SPAG17: variants seen among roughly 807,000 people sequenced by gnomAD.
SPAG17 encodes the protein sperm-associated antigen 17.
A neutral mutation model predicts 273.6 loss-of-function variants in SPAG17; 169 were observed. That is an observed-to-expected ratio of 0.62 (90% confidence interval 0.55 to 0.70). SPAG17 has a LOEUF of 0.70. SPAG17 is among the 30% of genes least tolerant of loss of function. SPAG17 has a pLI of 0.00. For missense variants in SPAG17, 2,557 were observed against 2,627.8 expected (o/e 0.97, Z 0.59); for synonymous variants, 825 against 873.2 (o/e 0.94, Z 0.97).
intron 1 of SPAG17, among the ~76,000 whole-genome samples, chr1:118,160,122 A>C (rs564936787): frequency 1.3e-5 from 2 of 152,272 alleles, no homozygotes; most frequent in African/African-American, 4.8e-5. Flanking sequence ...GAAATGTAAA[A>C]CTGGAATCAG....
At chr1:117,964,912 T>C (rs1259446831) in intron 47 of SPAG17, 1 of 152,166 alleles carries the variant, frequency 6.6e-6, no homozygotes, top group Admixed American at 6.6e-5. Flanking sequence ...TATTATTCTT[T>C]TGCCCTGTTT....
intron 43 of SPAG17, among the ~76,000 whole-genome samples, chr1:117,977,839 C>T (rs536372050): frequency 2.6e-5 from 4 of 152,110 alleles, no homozygotes; most frequent in African/African-American, 7.2e-5. Flanking sequence ...TGACCACTCT[C>T]GATCATTCCT....
intron 12 of SPAG17, among the ~76,000 whole-genome samples, 158 bp downstream of exon 12, chr1:118,086,513 G>A (rs1655007471): frequency 6.6e-6 from 1 of 152,034 alleles, no homozygotes. Flanking sequence ...CTGTATCTAG[G>A]TCCATTTTCC....
intron 4 of SPAG17, among the ~76,000 whole-genome samples, chr1:118,102,784 T>A (rs2102223740): frequency 6.6e-6 from 1 of 152,360 alleles, no homozygotes; most frequent in East Asian, 1.9e-4. Flanking sequence ...CACTGAAATG[T>A]TGTGGCAGTA....
At chr1:118,073,376 T>G (rs1398820122) in intron 17 of SPAG17, among the ~76,000 whole-genome samples, 1 of 152,212 alleles carries the variant, frequency 6.6e-6, no homozygotes, top group Admixed American at 6.5e-5. Flanking sequence ...TTAAATGAGC[T>G]AATAATACAT....
intron 1 of SPAG17, among the ~76,000 whole-genome samples, chr1:118,176,454 C>T (rs1660702614): frequency 6.6e-6 from 1 of 152,020 alleles, no homozygotes; most frequent in African/African-American, 2.4e-5. Context: ...CATGACTGCA[C>T]AAAGAGACAA....
intron 43 of SPAG17, among the ~76,000 whole-genome samples, chr1:117,976,177 C>G (rs1655115268): frequency 6.6e-6 from 1 of 152,144 alleles, no homozygotes; most frequent in African/African-American, 2.4e-5. Flanking sequence ...GATGATTATT[C>G]CACTGAGCCT....
At chr1:118,077,357 C>A (rs1018012300) in intron 15 of SPAG17, among the ~76,000 whole-genome samples, 2 of 152,020 alleles carry the variant, frequency 1.3e-5, no homozygotes, top group Non-Finnish European at 2.9e-5. Flanking sequence ...CTGAGATCCA[C>A]CCTCCAGATT....
At chr1:118,089,418 G>A (rs770103488) in intron 10 of SPAG17, among the ~76,000 whole-genome samples, 2 of 150,088 alleles carry the variant, frequency 1.3e-5, no homozygotes, top group Non-Finnish European at 3.0e-5. Flanking sequence ...GCCTTTATGG[G>A]ACAGTGTAAG....
intron 3 of SPAG17, among the ~76,000 whole-genome samples, chr1:118,117,507 G>T (rs377332562): frequency 7.9e-5 from 12 of 152,216 alleles, no homozygotes; most frequent in East Asian, 7.7e-4. Context: ...TGTGGGGTGT[G>T]GTTTCAAACA....
At chr1:118,131,996 GA>G (rs1236685735) in intron 3 of SPAG17, among the ~76,000 whole-genome samples, 2 of 152,214 alleles carry the variant, frequency 1.3e-5, no homozygotes, top group African/African-American at 4.8e-5. Context: ...AAAGACAAAA[GA>G]AGCAGGCCCT....
At chr1:117,991,769 A>C (rs1217484479) in intron 36 of SPAG17, among the ~76,000 whole-genome samples, 1 of 152,210 alleles carries the variant, frequency 6.6e-6, no homozygotes, top group South Asian at 2.1e-4. Context: ...TGGGGGCCTC[A>C]GAGAGGCCCT....
At chr1:118,102,592 G>C (rs970190774) in intron 4 of SPAG17, among the ~76,000 whole-genome samples, 4 of 152,184 alleles carry the variant, frequency 2.6e-5, no homozygotes, top group African/African-American at 9.6e-5. Flanking sequence ...CAGTTGGCAA[G>C]ATGAATTCCT....
At chr1:118,097,291 A>G (rs1481605646) in intron 7 of SPAG17, among the ~76,000 whole-genome samples, 1 of 152,170 alleles carries the variant, frequency 6.6e-6, no homozygotes, top group Admixed American at 6.5e-5. Context: ...ACTGAAACAT[A>G]AAAAGTCAGA....
chr1:117,990,789 C>T lies in SPAG17; in HGVS notation c.5521+72G>A, dbSNP rs1328717109. On this transcript the variant is annotated intron_variant, in intron 38 of 48. Transcript: ENST00000336338. ...TCTTGTTATCAGATAAGAGAATGAC[C>T]GATAAGTGTATTTAAGATGATTCCT... The T allele has an allele frequency of 2.9e-5, 28 of 957,296 alleles. 1 individual carries two copies. The highest frequency in any genetic ancestry group is 8.0e-5 in the East Asian group (3 of 37,296). The allele number at this position is 957,296 out of a possible 1,614,324, so 59.3% of individuals were successfully genotyped here.
chr1:118,061,203 A>G (rs535828784), intron 18 of SPAG17, among the ~76,000 whole-genome samples: 1 of 152,284 alleles, frequency 6.6e-6, no homozygotes, highest in South Asian at 2.1e-4. Context: ...TCTTTTGAGT[A>G]TATATGCAAA....
chr1:118,010,230 A>G (rs1314921624), intron 30 of SPAG17, among the ~76,000 whole-genome samples: 1 of 152,156 alleles, frequency 6.6e-6, no homozygotes, highest in Non-Finnish European at 1.5e-5. Context: ...GATTTTAAGT[A>G]TTCTCACAAT....
At chr1:118,025,450 A>T in intron 26 of SPAG17, 34 bp from the exon 27 acceptor site, 1 of 1,417,070 alleles carries the variant, frequency 7.1e-7, no homozygotes, top group Non-Finnish European at 9.5e-7. Context: ...TGTGAACTGG[A>T]CAATGCTGCA....
intron 28 of SPAG17, among the ~76,000 whole-genome samples, chr1:118,022,773 C>T (rs1315752397): frequency 2.0e-5 from 3 of 152,150 alleles, no homozygotes; most frequent in East Asian, 1.9e-4. Context: ...TCTTGGTCCC[C>T]AGCCAGGTCT....
Sources: gnomAD v4.1 joint callset for allele counts (sites outside exome capture counted in the v4.1 genomes callset) on GRCh38, gnomAD v4.1.1 for gene constraint, MANE v1.5 for transcripts, NCBI Gene and HGNC (gene_info 2026-07-23, HGNC 2026-07-21) for gene names.